EXT2: variants seen among roughly 807,000 people sequenced by gnomAD.
The protein encoded by EXT2 is exostosin-2.
Under a neutral mutation model 81.6 loss-of-function variants are expected in EXT2, and 53 were observed. The observed-to-expected ratio is 0.65, with a 90% CI of 0.52 to 0.82. The LOEUF (loss-of-function observed/expected upper bound fraction) is 0.82, where lower values mean the gene tolerates loss of function less well. EXT2 is among the 40% of genes least tolerant of loss of function. The pLI, the probability that EXT2 is intolerant of heterozygous loss-of-function variation, is 0.00. For missense variants in EXT2, 774 were observed against 910.2 expected (o/e 0.85, Z 1.93); for synonymous variants, 320 against 340.0 (o/e 0.94, Z 0.65).
At chr11:44,223,459 C>T (rs1389207764) in intron 10 of EXT2, among the ~76,000 whole-genome samples, 1 of 152,080 alleles carries the variant, frequency 6.6e-6, no homozygotes, top group Non-Finnish European at 1.5e-5. Flanking sequence ...ATAAAAAGAG[C>T]AAACTACTGA....
intron 7 of EXT2, among the ~76,000 whole-genome samples, chr11:44,166,513 T>G (rs1590613185): frequency 6.6e-6 from 1 of 152,202 alleles, no homozygotes; most frequent in Non-Finnish European, 1.5e-5. Flanking sequence ...TTTCTTTGAG[T>G]AGGAGACATT....
intron 1 of EXT2, among the ~76,000 whole-genome samples, chr11:44,105,917 A>T (rs911006712): frequency 2.0e-5 from 3 of 152,188 alleles, no homozygotes; most frequent in African/African-American, 7.2e-5. Flanking sequence ...TTATTTGCTG[A>T]TGATTGTGGA....
chr11:44,118,292 T>A (rs893972264), intron 4 of EXT2, among the ~76,000 whole-genome samples: 6 of 152,232 alleles, frequency 3.9e-5, no homozygotes, highest in Middle Eastern at 3.4e-3. Flanking sequence ...CTTTTTTTTT[T>A]AACCATGTTT....
At chr11:44,165,546 G>A (rs1386507541) in intron 7 of EXT2, among the ~76,000 whole-genome samples, 1 of 152,176 alleles carries the variant, frequency 6.6e-6, no homozygotes, top group Non-Finnish European at 1.5e-5. Context: ...TAAATTAGAA[G>A]TTCAGTTGTG....
chr11:44,250,196 G>A lies in EXT2; in HGVS notation c.*5909G>A, dbSNP rs1422698877. Among the ~76,000 whole-genome samples, 1 of 152,188 alleles carries A rather than the reference G, an allele frequency of 6.6e-6. No individual in the cohort carries two copies. The highest frequency in any genetic ancestry group is 1.5e-5 in the Non-Finnish European group (1 of 68,032). On this transcript the variant is annotated 3_prime_UTR_variant, in exon 14 of 14. Coordinates refer to ENST00000533608, the MANE Select transcript of EXT2 (RefSeq NM_207122.2). ...GTTCTAGTGGGAGTTCTTGAGCTTGGTAAGATGATGTGAGTCCATCAGTGG... is the reference window on the plus strand; with the variant it reads ...GTTCTAGTGGGAGTTCTTGAGCTTGATAAGATGATGTGAGTCCATCAGTGG...
rs764750397 is a variant in EXT2 at position 44,108,134 on chromosome 11, A to T, written c.422A>T (p.Asp141Val). 2.5e-6 allele frequency: 4 copies of T among 1,614,016 alleles called. No individual in the cohort carries two copies. The highest frequency in any genetic ancestry group is 3.4e-6 in the Non-Finnish European group (4 of 1,180,034). The stretch of plus-strand genomic sequence containing the variant: ...CTGCTCATGGCCATCTCAGACAGTG[A>T]CTACTACACTGATGACATCAACCGG... ...NELLMAISDS[D>V]YYTDDINRAC... is the part of the protein sequence containing the mutation. The change falls in exon 2 of 14, where the codon GAC becomes GTC. Residue 141 changes from aspartate to valine, a missense_variant. This residue lies in a region of EXT2 where 626 missense variants were observed against 670.5 expected (regional missense o/e 0.93). Coordinates refer to ENST00000533608, the MANE Select transcript of EXT2 (RefSeq NM_207122.2).
Position 44,234,125 on chromosome 11 carries a change from A to T in EXT2, c.1817A>T (p.Tyr606Phe), listed in dbSNP as rs1264658427. ...TGTCTCACTTGACAGTATTTTAATT[A>T]CCTGTATACCTACAAAATGCCTGGG... ...GAAFYHKYFN[Y>F]LYTYKMPGDI... Residue 606 changes from tyrosine (Y) to phenylalanine (F), a missense_variant, in exon 12 of 14, where the codon TAC (tyrosine) becomes TTC (phenylalanine). Tyr to Phe is a conservative substitution (Grantham distance 22). This residue lies in a region of EXT2 where 148 missense variants were observed against 239.7 expected (regional missense o/e 0.62). Transcript: ENST00000533608. 15 of 1,613,992 alleles carry T rather than the reference A, an allele frequency of 9.3e-6. No individual in the cohort carries two copies. Among genetic ancestry groups the T allele is most frequent in the Non-Finnish European group, 1.3e-5 (15 of 1,179,902 alleles).
chr11:44,225,511 A>G (rs1955829420), intron 10 of EXT2, among the ~76,000 whole-genome samples: 1 of 152,184 alleles, frequency 6.6e-6, no homozygotes, highest in Non-Finnish European at 1.5e-5. Context: ...ACCTGGTTCT[A>G]TTCTGAATCT....
chr11:44,215,757 A>G (rs1330619981), intron 10 of EXT2, among the ~76,000 whole-genome samples: 1 of 152,240 alleles, frequency 6.6e-6, no homozygotes, highest in Non-Finnish European at 1.5e-5. Flanking sequence ...GTTTAAATAC[A>G]GTATTTACTA....
At chr11:44,205,918 T>C (rs1223040690) in intron 9 of EXT2, among the ~76,000 whole-genome samples, 3 of 152,212 alleles carry the variant, frequency 2.0e-5, no homozygotes, top group Non-Finnish European at 4.4e-5. Flanking sequence ...CAAAGAAGTA[T>C]GAATTTCATG....
intron 1 of EXT2, among the ~76,000 whole-genome samples, chr11:44,101,222 G>C (rs1373283556): frequency 6.6e-6 from 1 of 152,216 alleles, no homozygotes; most frequent in Non-Finnish European, 1.5e-5. Context: ...TCATGATTCA[G>C]GATTTGGTGA....
At chr11:44,171,882 G>A in intron 8 of EXT2, 140 bp downstream of exon 8, 1 of 1,271,752 alleles carries the variant, frequency 7.9e-7, no homozygotes, top group Non-Finnish European at 1.1e-6. Flanking sequence ...CTTGGGGCCT[G>A]ATAAGGGCAG....
At chr11:44,218,538 A>C (rs1436901934) in intron 10 of EXT2, among the ~76,000 whole-genome samples, 1 of 152,160 alleles carries the variant, frequency 6.6e-6, no homozygotes, top group Admixed American at 6.5e-5. Flanking sequence ...GATGACTTAG[A>C]GGTTGCAGAG....
chr11:44,127,465 A>G (rs1954425150), intron 6 of EXT2, among the ~76,000 whole-genome samples: 2 of 152,162 alleles, frequency 1.3e-5, no homozygotes, highest in Admixed American at 1.3e-4. Context: ...TTGTGCATAC[A>G]AGGGATCTAG....
Position 44,249,320 on chromosome 11 carries a change from T to C in EXT2, c.*5033T>C, listed in dbSNP as rs990671498. ...GCCCAGGATAGCACTTTTTCCTTTC[T>C]TCTGCTCTCAGTTGGTTGGACCACT... On this transcript the variant is annotated 3_prime_UTR_variant, in exon 14 of 14. Transcript: ENST00000533608. 6.6e-6 allele frequency among the ~76,000 whole-genome samples: 1 copy of C among 151,918 alleles called. No homozygotes were observed. Among genetic ancestry groups the C allele is most frequent in the Admixed American group, 6.5e-5 (1 of 15,274 alleles).
At chr11:44,166,615 T>C (rs1954997856) in intron 7 of EXT2, among the ~76,000 whole-genome samples, 1 of 152,230 alleles carries the variant, frequency 6.6e-6, no homozygotes, top group Non-Finnish European at 1.5e-5. Flanking sequence ...AACTCATGGA[T>C]AGAACACTTG....
In EXT2 at chr11:44,246,498, T is replaced by G. The variant is rs1235330787; in HGVS notation, c.*2211T>G. The stretch of plus-strand genomic sequence containing the variant: ...GACTTTATCATCGTCATAGGAGTCA[T>G]TGGACTTTAAAGGCATTACAACTCC... On this transcript the variant is annotated 3_prime_UTR_variant, in exon 14 of 14. Coordinates refer to ENST00000533608, the MANE Select transcript of EXT2 (RefSeq NM_207122.2). Among the ~76,000 whole-genome samples the G allele has an allele frequency of 6.6e-6, 1 of 152,212 alleles. No homozygotes were observed. Among genetic ancestry groups the G allele is most frequent in the Non-Finnish European group, 1.5e-5 (1 of 68,032 alleles).
intron 4 of EXT2, among the ~76,000 whole-genome samples, chr11:44,122,562 C>T (rs931966587): frequency 6.6e-6 from 1 of 152,150 alleles, no homozygotes; most frequent in African/African-American, 2.4e-5. Context: ...GTTTTAGTGT[C>T]TAGAAAGAAT....
chr11:44,128,136 A>T (rs753027719), intron 6 of EXT2, among the ~76,000 whole-genome samples: 1 of 152,226 alleles, frequency 6.6e-6, no homozygotes, highest in Non-Finnish European at 1.5e-5. Context: ...GCTCTAGTTC[A>T]TTCATTCATT....
Sources: allele counts gnomAD v4.1 joint callset (sites outside exome capture counted in the v4.1 genomes callset), GRCh38; gene constraint gnomAD v4.1.1; regional missense constraint gnomAD v4.1.1; transcripts MANE v1.5; gene names NCBI Gene and HGNC (gene_info 2026-07-23, HGNC 2026-07-21).